Variants in MICAL3 observed in about 807,000 individuals in gnomAD.
The protein encoded by MICAL3 is microtubule associated monooxygenase, calponin and LIM domain containing 3.
In MICAL3, 62 loss-of-function variants were observed where a neutral mutation model predicts 207.4. The observed-to-expected ratio is 0.30, with a 90% confidence interval of 0.24 to 0.37. MICAL3 has a LOEUF of 0.37. Ranked by LOEUF, MICAL3 falls within the 10% of genes least tolerant of loss-of-function variation. The probability of loss-of-function intolerance (pLI) is 1.00; values close to 1 mark genes in which losing one functional copy is unlikely to be tolerated. For synonymous variants in MICAL3, 1,077 were observed against 1,069.3 expected, an observed-to-expected ratio of 1.01 and a Z score of -0.14; for missense variants, 2,368 against 2,635.6, an observed-to-expected ratio of 0.90 and a Z score of 2.22.
At chr22:17,842,165 G>T in intron 19 of MICAL3, 148 bp from the exon 20 acceptor site, 1 of 710,562 alleles carries the variant, frequency 1.4e-6, no homozygotes, top group Non-Finnish European at 2.3e-6. Flanking sequence ...AGAGGCCAGA[G>T]AAGGACCCTG....
chr22:17,901,514 A>G (rs1330364842), intron 5 of MICAL3, among the ~76,000 whole-genome samples: 2 of 152,128 alleles, frequency 1.3e-5, no homozygotes, highest in African/African-American at 4.8e-5. Context: ...TACAAAAAAT[A>G]CAAAAATTAG....
rs187724588 is a variant in MICAL3 at position 17,841,814 on chromosome 22, G to T, written c.2801+8C>A. The T allele has an allele frequency of 1.3e-6, 2 of 1,543,540 alleles. No homozygotes were observed. Among genetic ancestry groups the T allele is most frequent in the Admixed American group, 3.9e-5 (2 of 51,052 alleles). Reference sequence around the variant, plus strand: ...GCGGGTGGGCGCCCTGCAGCCCTGCGTGCTGACCTGCTGGCGACGTCCTCC... The same window carrying T: ...GCGGGTGGGCGCCCTGCAGCCCTGCTTGCTGACCTGCTGGCGACGTCCTCC... On this transcript the variant is annotated splice_region_variant and intron_variant, in intron 20 of 31. Transcript: ENST00000441493. The surrounding 1 kb of genome is among the most constrained non-coding windows in gnomAD (Gnocchi z 4.2).
At chr22:17,865,439 A>C (rs1327197843) in intron 18 of MICAL3, among the ~76,000 whole-genome samples, 1 of 152,226 alleles carries the variant, frequency 6.6e-6, no homozygotes, top group Non-Finnish European at 1.5e-5. Flanking sequence ...GAAGGAAAAA[A>C]TTCACAGACA....
intron 1 of MICAL3, among the ~76,000 whole-genome samples, chr22:18,014,215 C>G (rs553253049): frequency 1.3e-5 from 2 of 152,182 alleles, no homozygotes; most frequent in South Asian, 4.1e-4. Flanking sequence ...GCACAGGGTG[C>G]GCATAATACA....
intron 1 of MICAL3, among the ~76,000 whole-genome samples, chr22:17,928,940 GCC>G: frequency 6.6e-6 from 1 of 152,086 alleles, no homozygotes; most frequent in East Asian, 1.9e-4. Context: ...GACTACAGGC[GCC>G]CGCCACCACG....
intron 1 of MICAL3, among the ~76,000 whole-genome samples, chr22:17,907,131 A>G (rs949987055): frequency 5.3e-5 from 8 of 152,166 alleles, no homozygotes; most frequent in Admixed American, 5.2e-4. Context: ...GAATGTCTCA[A>G]TGGACTGTAC....
At chr22:17,867,702 TGGTGAGGGA>T (rs1235796703) in intron 17 of MICAL3, among the ~76,000 whole-genome samples, 1 of 152,030 alleles carries the variant, frequency 6.6e-6, no homozygotes, top group Non-Finnish European at 1.5e-5. Context: ...GTTATGGGGA[TGGTGAGGGA>T]GGTGAGGGAA....
At chr22:17,973,757 C>A (rs976825787) in intron 1 of MICAL3, among the ~76,000 whole-genome samples, 4 of 151,926 alleles carry the variant, frequency 2.6e-5, no homozygotes, top group African/African-American at 7.3e-5. Context: ...GGTGAGACGC[C>A]GTCTCTACAA....
intron 16 of MICAL3, chr22:17,876,784 G>GGGAGGTTAT (rs1556164716): frequency 3.6e-5 from 2 of 55,686 alleles, no homozygotes; most frequent in South Asian, 6.7e-4. Context: ...ATGGAGGTTA[G>GGGAGGTTAT]GGAGGTTAGG....
chr22:17,822,796 G>T, intron 23 of MICAL3, 151 bp downstream of exon 23: 1 of 576,926 alleles, frequency 1.7e-6, no homozygotes, highest in Non-Finnish European at 3.1e-6. Flanking sequence ...GGTGGTGGTT[G>T]GGTGGAATGA....
chr22:17,954,038 G>A (rs1934492995), intron 1 of MICAL3, among the ~76,000 whole-genome samples: 1 of 151,338 alleles, frequency 6.6e-6, no homozygotes, highest in Non-Finnish European at 1.5e-5. Context: ...GAAGCAGTGT[G>A]ACATTTATAT....
At chr22:17,834,523 C>G (rs1026855193) in intron 20 of MICAL3, 2 of 1,222,222 alleles carry the variant, frequency 1.6e-6, no homozygotes, top group African/African-American at 3.2e-5. Flanking sequence ...TGAGACCATC[C>G]TGGGCAACCA....
intron 29 of MICAL3, among the ~76,000 whole-genome samples, chr22:17,808,179 C>G (rs2062007457): frequency 6.6e-6 from 1 of 152,260 alleles, no homozygotes; most frequent in East Asian, 1.9e-4. Context: ...CAGGAATGAG[C>G]GCACCACATT....
intron 19 of MICAL3, chr22:17,863,844 T>C (rs1322867733): frequency 2.1e-5 from 21 of 985,396 alleles, no homozygotes; most frequent in Non-Finnish European, 2.4e-5. Context: ...GGAAATTCTA[T>C]GACCAACTCC....
At chr22:17,935,139 A>G (rs1368469931) in intron 1 of MICAL3, among the ~76,000 whole-genome samples, 1 of 152,180 alleles carries the variant, frequency 6.6e-6, no homozygotes, top group Non-Finnish European at 1.5e-5. Flanking sequence ...TAAGCAAAAA[A>G]AACAAAGCTG....
intron 1 of MICAL3, among the ~76,000 whole-genome samples, chr22:17,981,962 G>A (rs1378781423): frequency 1.3e-5 from 2 of 152,004 alleles, no homozygotes; most frequent in Non-Finnish European, 2.9e-5. Context: ...GAAATTAGCA[G>A]GGAGTAGTGG....
At chr22:17,977,739 C>A (rs1469271670) in intron 1 of MICAL3, among the ~76,000 whole-genome samples, 1 of 152,070 alleles carries the variant, frequency 6.6e-6, no homozygotes, top group Non-Finnish European at 1.5e-5. Context: ...AAAATATACA[C>A]CTGGCCAGGC....
chr22:17,997,177 C>T (rs1215201394), intron 1 of MICAL3, among the ~76,000 whole-genome samples: 1 of 151,154 alleles, frequency 6.6e-6, no homozygotes, highest in African/African-American at 2.4e-5. Flanking sequence ...AATCCTCCCA[C>T]CTCAGCCTCC....
chr22:17,972,196 T>C (rs1342626737), intron 1 of MICAL3, among the ~76,000 whole-genome samples: 3 of 152,102 alleles, frequency 2.0e-5, no homozygotes, highest in Non-Finnish European at 2.9e-5. Flanking sequence ...ATTTGGTTTG[T>C]AGAAAAAAGG....
Sources: allele counts gnomAD v4.1 joint callset (sites outside exome capture counted in the v4.1 genomes callset), GRCh38; gene constraint gnomAD v4.1.1; non-coding constraint Gnocchi (gnomAD v3.1); transcripts MANE v1.5; gene names NCBI Gene and HGNC (gene_info 2026-07-23, HGNC 2026-07-21).